Variants in ANKRD12 observed in about 807,000 individuals in gnomAD.
ANKRD12 encodes the protein ankyrin repeat domain 12, also known as ankyrin repeat domain-containing protein 12.
A neutral mutation model predicts 183.4 loss-of-function variants in ANKRD12; 85 were observed. The ratio of observed to expected loss-of-function variants is 0.46; its 90% confidence interval spans 0.39 to 0.56. ANKRD12 has a LOEUF of 0.56. Among genes scored for constraint, ANKRD12 ranks in the 20% least tolerant of loss-of-function variants. The pLI, the probability that ANKRD12 is intolerant of heterozygous loss-of-function variation, is 0.00. For synonymous variants in ANKRD12, 914 were observed against 800.2 expected, an observed-to-expected ratio of 1.14 and a Z score of -2.40; for missense variants, 2,405 against 2,357.1, an observed-to-expected ratio of 1.02 and a Z score of -0.42.
At chr18:9,190,409 G>A (rs1452509592) in intron 2 of ANKRD12, among the ~76,000 whole-genome samples, 1 of 152,178 alleles carries the variant, frequency 6.6e-6, no homozygotes, top group Non-Finnish European at 1.5e-5. Context: ...TCTACTCTTG[G>A]TGAAGATGCT....
chr18:9,242,039 G>GTA lies in ANKRD12; in HGVS notation c.944-12163_944-12162dup, dbSNP rs771136204. Among the ~76,000 whole-genome samples the GTA allele has an allele frequency of 3.2e-4, 49 of 151,562 alleles. No homozygotes were observed. The East Asian group carries it at 4.8e-3, about 15-fold the overall frequency. On this transcript the variant is annotated intron_variant, in intron 8 of 12. Transcript: ENST00000262126. ...CAAAATATCTTTGACTTGCACATAT[G>GTA]TATATATATACACACACACACACAT... is the stretch of plus-strand genomic sequence containing the variant.
intron 11 of ANKRD12, 93 bp downstream of exon 11, chr18:9,275,760 T>A: frequency 8.0e-7 from 1 of 1,248,594 alleles, no homozygotes; most frequent in Non-Finnish European, 1.1e-6. Flanking sequence ...GAACTTGAAC[T>A]CAACAATCAT....
chr18:9,177,277 C>T (rs1207164034), intron 1 of ANKRD12, among the ~76,000 whole-genome samples: 1 of 152,174 alleles, frequency 6.6e-6, no homozygotes, highest in African/African-American at 2.4e-5. Flanking sequence ...ACCAAGTATT[C>T]TCATTCAGCA....
intron 10 of ANKRD12, among the ~76,000 whole-genome samples, chr18:9,266,975 T>G (rs534588806): frequency 1.2e-4 from 18 of 152,214 alleles, no homozygotes; most frequent in South Asian, 6.2e-4. Context: ...TCCTAGTCTC[T>G]GATAAAACAG....
At chr18:9,140,930 G>A (rs560313265) in intron 1 of ANKRD12, among the ~76,000 whole-genome samples, 263 of 152,224 alleles carry the variant, frequency 1.7e-3, no homozygotes, top group Non-Finnish European at 3.0e-3. Flanking sequence ...CTTGTAAAAC[G>A]GAGAGGAAAC....
chr18:9,245,799 C>T (rs1567959505), intron 8 of ANKRD12, among the ~76,000 whole-genome samples: 2 of 152,046 alleles, frequency 1.3e-5, no homozygotes, highest in African/African-American at 2.4e-5. Flanking sequence ...TATACTCAAT[C>T]ATGAAATAAA....
intron 1 of ANKRD12, among the ~76,000 whole-genome samples, chr18:9,157,585 G>GTGTGTATATA (rs1472659778): frequency 0.044 from 4,043 of 91,702 alleles, 182 homozygotes; most frequent in African/African-American, 0.054. Flanking sequence ...GTGTGTGTGT[G>GTGTGTATATA]TATATATATA....
chr18:9,224,804 A>C (rs1157747715), intron 8 of ANKRD12, among the ~76,000 whole-genome samples: 1 of 152,234 alleles, frequency 6.6e-6, no homozygotes, highest in African/African-American at 2.4e-5. Flanking sequence ...GCAGAGAAAT[A>C]ATTTTTAAAG....
chr18:9,264,733 G>A (rs921992321), intron 10 of ANKRD12, among the ~76,000 whole-genome samples: 39 of 151,992 alleles, frequency 2.6e-4, no homozygotes, highest in Admixed American at 2.2e-3. Flanking sequence ...AAGAAGTCAG[G>A]TAATATAACA....
chr18:9,270,793 T>C (rs572087848), intron 10 of ANKRD12, among the ~76,000 whole-genome samples: 30 of 152,168 alleles, frequency 2.0e-4, no homozygotes, highest in Non-Finnish European at 3.7e-4. Context: ...TTACTTGAAT[T>C]GTGCAATTTG....
At chr18:9,219,015 TATC>T (rs2036271594) in intron 7 of ANKRD12, among the ~76,000 whole-genome samples, 1 of 152,218 alleles carries the variant, frequency 6.6e-6, no homozygotes, top group African/African-American at 2.4e-5. Flanking sequence ...TTTAGATACG[TATC>T]ATCTTTTGTC....
Position 9,281,090 on chromosome 18 carries a change from T to C in ANKRD12, c.6153T>C (p.Val2051=). The C allele has an allele frequency of 6.2e-7, 1 of 1,614,070 alleles. No individual in the cohort carries two copies. Among genetic ancestry groups the C allele is most frequent in the Non-Finnish European group, 8.5e-7 (1 of 1,179,994 alleles). ...YEIQEFYVPL[V]DVNDDFELTP... ...TCCAGGAGTTTTATGTTCCCCTTGT[T>C]GATGTTAACGACGACTTTGAATTGA... The change falls in exon 13 of 13, where the codon GTT becomes GTC. Residue 2051 remains valine (V), a synonymous_variant. Coordinates refer to ENST00000262126, the MANE Select transcript of ANKRD12 (RefSeq NM_015208.5).
At chr18:9,277,631 C>T (rs1219101470) in intron 11 of ANKRD12, among the ~76,000 whole-genome samples, 1 of 151,866 alleles carries the variant, frequency 6.6e-6, no homozygotes, top group African/African-American at 2.4e-5. Context: ...CCGGCCGACA[C>T]CCTGTTTCTT....
intron 5 of ANKRD12, 65 bp downstream of exon 5, chr18:9,208,868 C>T: frequency 1.5e-6 from 2 of 1,362,180 alleles, no homozygotes; most frequent in South Asian, 1.9e-5. Flanking sequence ...GTAGTCTCGT[C>T]TTAACAATTA....
At position 9,204,461 on chromosome 18, in the gene ANKRD12, C is replaced by T; in HGVS notation, c.236-15C>T. On this transcript the variant is annotated splice_polypyrimidine_tract_variant and intron_variant, in intron 3 of 12. Coordinates refer to ENST00000262126, the MANE Select transcript of ANKRD12 (RefSeq NM_015208.5). Reference sequence around the variant, plus strand: ...TGTGCTTTTTTCTCTTCTCCTGTCTCTTCTCATTCTGTAGATTCAGATCCA... The same window carrying T: ...TGTGCTTTTTTCTCTTCTCCTGTCTTTTCTCATTCTGTAGATTCAGATCCA... 6.3e-7 allele frequency: 1 copy of T among 1,583,314 alleles called. No homozygotes were observed. Among genetic ancestry groups the T allele is most frequent in the Non-Finnish European group, 8.6e-7 (1 of 1,157,194 alleles).
intron 8 of ANKRD12, among the ~76,000 whole-genome samples, chr18:9,247,329 A>G (rs1479311969): frequency 1.3e-5 from 2 of 151,006 alleles, no homozygotes; most frequent in East Asian, 1.9e-4. Context: ...AAAAAAAAAA[A>G]TGGCCTGGAT....
intron 1 of ANKRD12, among the ~76,000 whole-genome samples, chr18:9,140,271 C>A (rs1339773772): frequency 6.6e-6 from 1 of 152,166 alleles, no homozygotes; most frequent in East Asian, 1.9e-4. Flanking sequence ...AAATACAATT[C>A]TTAAAGTGTA....
In ANKRD12 at chr18:9,256,321, T is replaced by TA; in HGVS notation, c.3060dup (p.Asp1021ArgfsTer2). The TA allele has an allele frequency of 6.3e-7, 1 of 1,588,908 alleles. No homozygotes were observed. Among genetic ancestry groups the TA allele is most frequent in the Non-Finnish European group, 8.5e-7 (1 of 1,170,060 alleles). ...AAACTCCAGATGGAAAAGAAAAAGA[T>TA]AAAAAAGATAAAGATATAGATAGAT... On this transcript the variant is annotated frameshift_variant, in exon 9 of 13. Coordinates refer to ENST00000262126, the MANE Select transcript of ANKRD12 (RefSeq NM_015208.5). LOFTEE classifies it high-confidence loss of function.
At chr18:9,269,066 A>T (rs2039459190) in intron 10 of ANKRD12, among the ~76,000 whole-genome samples, 2 of 152,304 alleles carry the variant, frequency 1.3e-5, no homozygotes, top group South Asian at 4.2e-4. Context: ...CTTACAAGGG[A>T]TGTGAAGGAC....
Sources: gnomAD v4.1 joint callset for allele counts (sites outside exome capture counted in the v4.1 genomes callset) on GRCh38, gnomAD v4.1.1 for gene constraint, MANE v1.5 for transcripts, NCBI Gene and HGNC (gene_info 2026-07-23, HGNC 2026-07-21) for gene names.